Variants in IMMP2L observed in about 807,000 individuals in gnomAD.
IMMP2L encodes the protein mitochondrial inner membrane protease subunit 2.
Under a neutral mutation model 19.3 loss-of-function variants are expected in IMMP2L, and 18 were observed. That is an observed-to-expected ratio of 0.93 (90% confidence interval 0.64 to 1.38). The LOEUF is 1.38. Ranked by LOEUF, IMMP2L falls within the 40% of genes most tolerant of loss-of-function variation. The pLI is 0.00. For missense variants in IMMP2L, 233 were observed against 218.2 expected, an observed-to-expected ratio of 1.07 and a Z score of -0.43; for synonymous variants, 76 against 73.0, an observed-to-expected ratio of 1.04 and a Z score of -0.21.
chr7:110,863,957 T>C (rs1025110464), intron 5 of IMMP2L, among the ~76,000 whole-genome samples: 4 of 151,926 alleles, frequency 2.6e-5, no homozygotes, highest in Admixed American at 6.6e-5. Context: ...TCACCCCAAA[T>C]AGGAAGAAGT....
chr7:110,718,423 A>G (rs79330490), intron 5 of IMMP2L, among the ~76,000 whole-genome samples: 2,588 of 152,322 alleles, frequency 0.017, 30 homozygotes, highest in Middle Eastern at 0.031. Context: ...ATGGAAGAGT[A>G]AATAATAAAT....
intron 3 of IMMP2L, among the ~76,000 whole-genome samples, chr7:111,249,912 C>T (rs962247078): frequency 3.0e-4 from 45 of 152,116 alleles, no homozygotes; most frequent in African/African-American, 9.7e-4. Context: ...CCAGGGCAAT[C>T]AGGCAAGAGA....
intron 3 of IMMP2L, among the ~76,000 whole-genome samples, chr7:111,427,525 G>T (rs906371300): frequency 1.3e-5 from 2 of 151,714 alleles, no homozygotes; most frequent in African/African-American, 4.9e-5. Flanking sequence ...CTATTTAACA[G>T]AAAACTACAT....
chr7:111,301,922 A>T (rs932220951), intron 3 of IMMP2L, among the ~76,000 whole-genome samples: 6 of 16,450 alleles, frequency 3.6e-4, no homozygotes, highest in East Asian at 1.5e-3. Flanking sequence ...TTCATGCTTT[A>T]AAAAAAAAAA....
intron 5 of IMMP2L, among the ~76,000 whole-genome samples, chr7:110,856,752 C>G (rs1172661445): frequency 6.6e-6 from 1 of 152,020 alleles, no homozygotes; most frequent in African/African-American, 2.4e-5. Context: ...GATTAACCAA[C>G]AGAGGCTGAA....
intron 3 of IMMP2L, among the ~76,000 whole-genome samples, chr7:111,378,458 T>C (rs1213784448): frequency 6.6e-6 from 1 of 151,988 alleles, no homozygotes; most frequent in Admixed American, 6.6e-5. Flanking sequence ...ATACTTCACA[T>C]TTATTAGTAC....
chr7:111,523,594 T>A (rs1390118066), intron 1 of IMMP2L, among the ~76,000 whole-genome samples: 5 of 152,236 alleles, frequency 3.3e-5, no homozygotes. Context: ...TTTTTTATAC[T>A]TTTATCAACA....
intron 5 of IMMP2L, among the ~76,000 whole-genome samples, chr7:110,821,094 AT>A (rs1802988574): frequency 6.6e-6 from 1 of 152,132 alleles, no homozygotes; most frequent in African/African-American, 2.4e-5. Flanking sequence ...GAGGTAACTC[AT>A]TTAACTCTTC....
chr7:111,482,434 G>A (rs146105250), intron 3 of IMMP2L, among the ~76,000 whole-genome samples: 10 of 152,048 alleles, frequency 6.6e-5, no homozygotes, highest in Non-Finnish European at 1.0e-4. Context: ...TGAAATCTGT[G>A]ATCCAGATTA....
chr7:110,932,881 T>C (rs914822278), intron 4 of IMMP2L, among the ~76,000 whole-genome samples: 1 of 152,052 alleles, frequency 6.6e-6, no homozygotes, highest in African/African-American at 2.4e-5. Flanking sequence ...GAGAATGCAA[T>C]AGAATTTGCG....
intron 3 of IMMP2L, among the ~76,000 whole-genome samples, chr7:111,301,412 C>A (rs1337626763): frequency 6.6e-6 from 1 of 151,162 alleles, no homozygotes; most frequent in Non-Finnish European, 1.5e-5. Flanking sequence ...TCCAAGCCTG[C>A]AGCTTTGTCT....
At chr7:111,102,824 A>T (rs1798121451) in intron 3 of IMMP2L, among the ~76,000 whole-genome samples, 1 of 151,564 alleles carries the variant, frequency 6.6e-6, no homozygotes, top group South Asian at 2.1e-4. Context: ...AGGGTCATAA[A>T]AGACTTCATA....
chr7:111,530,610 A>G (rs959477258), intron 1 of IMMP2L, among the ~76,000 whole-genome samples: 8 of 152,102 alleles, frequency 5.3e-5, no homozygotes, highest in African/African-American at 1.9e-4. Flanking sequence ...GACCACAGGG[A>G]TAGATTATAT....
chr7:110,773,507 G>A (rs1799175056), intron 5 of IMMP2L, among the ~76,000 whole-genome samples: 1 of 152,140 alleles, frequency 6.6e-6, no homozygotes, highest in Non-Finnish European at 1.5e-5. Flanking sequence ...CGTATCAGGT[G>A]CAGGGACAGA....
chr7:110,673,797 C>T (rs1339434596), intron 5 of IMMP2L, among the ~76,000 whole-genome samples: 1 of 152,152 alleles, frequency 6.6e-6, no homozygotes, highest in African/African-American at 2.4e-5. Flanking sequence ...CAGTATTTTG[C>T]TCAAAGCTAT....
At chr7:110,866,745 A>G (rs964693518) in intron 5 of IMMP2L, among the ~76,000 whole-genome samples, 3 of 152,126 alleles carry the variant, frequency 2.0e-5, no homozygotes, top group African/African-American at 7.2e-5. Context: ...CCAAAGGAGT[A>G]AATCCCAAAT....
chr7:110,868,193 G>C (rs1043174231), intron 5 of IMMP2L, among the ~76,000 whole-genome samples: 2 of 146,818 alleles, frequency 1.4e-5, no homozygotes, highest in Non-Finnish European at 3.0e-5. Flanking sequence ...TGACGTATTA[G>C]ATGAGCAAGA....
At chr7:111,061,721 T>C (rs1436868205) in intron 3 of IMMP2L, among the ~76,000 whole-genome samples, 1 of 152,202 alleles carries the variant, frequency 6.6e-6, no homozygotes, top group East Asian at 1.9e-4. Context: ...CCACCCAGTT[T>C]CCAAAACACA....
chr7:111,444,829 T>A (rs1405484095), intron 3 of IMMP2L, among the ~76,000 whole-genome samples: 4 of 151,958 alleles, frequency 2.6e-5, no homozygotes. Flanking sequence ...CAAATTGGAG[T>A]AGATATGCCC....
Sources: gnomAD v4.1 joint callset for allele counts (sites outside exome capture counted in the v4.1 genomes callset) on GRCh38, gnomAD v4.1.1 for gene constraint, MANE v1.5 for transcripts, NCBI Gene and HGNC (gene_info 2026-07-23, HGNC 2026-07-21) for gene names.